The following GRIK3 variants were observed in gnomAD, a reference collection of about 807,000 sequenced individuals.
GRIK3 encodes glutamate receptor ionotropic, kainate 3.
GRIK3 carries 29 observed loss-of-function variants against 102.5 expected under a neutral mutation model. The ratio of observed to expected loss-of-function variants is 0.28; its 90% CI spans 0.21 to 0.39. The LOEUF (loss-of-function observed/expected upper bound fraction) is 0.39, where lower values mean the gene tolerates loss of function less well. Ranked by LOEUF, GRIK3 falls within the 10% of genes least tolerant of loss-of-function variation. GRIK3 has a pLI of 1.00. For missense variants in GRIK3, 908 were observed against 1,252.4 expected (o/e 0.73, Z 4.15); for synonymous variants, 511 against 504.9 (o/e 1.01, Z -0.16).
At chr1:36,818,120 GT>G (rs546283631) in intron 12 of GRIK3, among the ~76,000 whole-genome samples, 7 of 151,220 alleles carry the variant, frequency 4.6e-5, no homozygotes, top group South Asian at 2.1e-4. Flanking sequence ...TTGATATGAT[GT>G]TTTTTTTTCT....
intron 1 of GRIK3, among the ~76,000 whole-genome samples, chr1:36,956,241 G>A (rs994515669): frequency 2.6e-5 from 4 of 152,238 alleles, no homozygotes; most frequent in Non-Finnish European, 5.9e-5. Context: ...AGGGCTGAGG[G>A]TGGGAAGCAG....
intron 10 of GRIK3, among the ~76,000 whole-genome samples, chr1:36,835,894 C>T (rs937321753): frequency 3.3e-5 from 5 of 152,246 alleles, no homozygotes; most frequent in Admixed American, 2.6e-4. Context: ...CTCGATGGGG[C>T]CCCAAGTCCC....
intron 1 of GRIK3, among the ~76,000 whole-genome samples, chr1:37,013,865 G>A (rs1642624421): frequency 6.6e-6 from 1 of 152,236 alleles, no homozygotes; most frequent in South Asian, 2.1e-4. Context: ...AAAGCCCCAA[G>A]ACAAAGTTGG....
intron 10 of GRIK3, among the ~76,000 whole-genome samples, chr1:36,841,306 C>T (rs1240276549): frequency 1.3e-5 from 2 of 152,202 alleles, no homozygotes; most frequent in Admixed American, 1.3e-4. Context: ...CAGAGTTACT[C>T]AATGCAGTGA....
intron 1 of GRIK3, among the ~76,000 whole-genome samples, chr1:36,978,139 C>T (rs906401839): frequency 2.0e-5 from 3 of 152,260 alleles, no homozygotes; most frequent in African/African-American, 7.2e-5. Flanking sequence ...TTTTCACCCT[C>T]GATGTAACCT....
intron 1 of GRIK3, among the ~76,000 whole-genome samples, chr1:36,906,600 G>T: frequency 6.6e-6 from 1 of 151,246 alleles, no homozygotes; most frequent in South Asian, 2.1e-4. Flanking sequence ...TGTCTGCAAA[G>T]GATCGGAGGG....
At chr1:36,809,506 A>G (rs146162558) in intron 13 of GRIK3, among the ~76,000 whole-genome samples, 59 of 152,222 alleles carry the variant, frequency 3.9e-4, no homozygotes, top group African/African-American at 1.3e-3. Flanking sequence ...ATAAATCTCA[A>G]GTCCTGAGAA....
At chr1:36,948,744 G>T (rs1641810420) in intron 1 of GRIK3, among the ~76,000 whole-genome samples, 1 of 152,214 alleles carries the variant, frequency 6.6e-6, no homozygotes, top group Admixed American at 6.5e-5. Flanking sequence ...CCTTCCAACA[G>T]CTTGTCAATG....
intron 1 of GRIK3, among the ~76,000 whole-genome samples, chr1:37,010,866 C>T (rs894531021): frequency 2.6e-5 from 4 of 151,950 alleles, no homozygotes; most frequent in Non-Finnish European, 5.9e-5. Context: ...CTCAGCCTCC[C>T]GAGTAGCTGG....
chr1:36,953,453 A>G (rs1349935475), intron 1 of GRIK3, among the ~76,000 whole-genome samples: 1 of 152,180 alleles, frequency 6.6e-6, no homozygotes, highest in African/African-American at 2.4e-5. Context: ...GGCTTTAAGC[A>G]GGAGAGTGCC....
At chr1:36,913,700 C>T (rs1356500665) in intron 1 of GRIK3, among the ~76,000 whole-genome samples, 1 of 152,140 alleles carries the variant, frequency 6.6e-6, no homozygotes, top group African/African-American at 2.4e-5. Flanking sequence ...CGCCCCACAG[C>T]CCCACCCCCA....
intron 1 of GRIK3, among the ~76,000 whole-genome samples, chr1:36,901,138 C>T (rs79795082): frequency 0.028 from 4,305 of 152,254 alleles, 189 homozygotes; most frequent in African/African-American, 0.1. Flanking sequence ...ATTCTCTACA[C>T]TCTATTGGAA....
Position 36,797,380 on chromosome 1 carries a change from T to TATG in GRIK3, c.*4468_*4470dup, listed in dbSNP as rs920040431. The TATG allele has an allele frequency of 2.1e-4, 32 of 152,216 alleles. No homozygotes were observed. Among genetic ancestry groups the TATG allele is most frequent in the African/African-American group, 7.7e-4 (32 of 41,544 alleles). 9.4% of individuals were successfully genotyped at this position (152,216 alleles called of 1,614,324 possible). On this transcript the variant is annotated 3_prime_UTR_variant, in exon 16 of 16. Coordinates refer to ENST00000373091, the MANE Select transcript of GRIK3 (RefSeq NM_000831.4). ...CTACCTAAAAGTTTTGTGACTCACG[T>TATG]ATGACCTCAGCTCTGAAATTTTTAC...
intron 1 of GRIK3, among the ~76,000 whole-genome samples, chr1:36,969,155 T>C (rs1334263263): frequency 2.0e-5 from 3 of 152,120 alleles, no homozygotes; most frequent in Non-Finnish European, 2.9e-5. Context: ...AAGGTTACCA[T>C]GCCAAGAGTG....
At position 36,872,185 on chromosome 1, in the gene GRIK3, C is replaced by T; in HGVS notation, c.732+3G>A. On this transcript the variant is annotated splice_donor_region_variant and intron_variant, in intron 4 of 15. Transcript: ENST00000373091. This position sits in a 1 kb window ranked among gnomAD's most constrained non-coding sequence, Gnocchi z 5.9. ...TCTGTCCCGGTGGCCAGCACTCACGCACCTGCTTGAGGATCTGGGCCGCCA... is the reference window on the plus strand; with the variant it reads ...TCTGTCCCGGTGGCCAGCACTCACGTACCTGCTTGAGGATCTGGGCCGCCA... 1 of 1,583,546 alleles carries T rather than the reference C, an allele frequency of 6.3e-7. No individual in the cohort carries two copies. Among genetic ancestry groups the T allele is most frequent in the Non-Finnish European group, 8.6e-7 (1 of 1,161,994 alleles).
rs1190095827 is a variant in GRIK3, at chr1:36,853,629, C to A, written c.1198G>T (p.Asp400Tyr). Residue 400 changes from aspartate (D) to tyrosine (Y), a missense_variant, in exon 8 of 16, where the codon GAT (aspartate) becomes TAT (tyrosine). Coordinates refer to ENST00000373091, the MANE Select transcript of GRIK3 (RefSeq NM_000831.4). ...AGACCACGCACCTTCTCCAGGCCAT[C>A]CTCTTTCAGGCTGATGATGTCCAGA... ...FDLDIISLKE[D>Y]GLEKVGVWSP... 20 of 1,612,044 alleles carry A rather than the reference C, an allele frequency of 1.2e-5. No homozygotes were observed. The highest frequency in any genetic ancestry group is 1.6e-5 in the Non-Finnish European group (19 of 1,178,146).
intron 7 of GRIK3, among the ~76,000 whole-genome samples, chr1:36,858,688 T>G (rs569050955): frequency 1.1e-4 from 16 of 152,174 alleles, no homozygotes; most frequent in Non-Finnish European, 1.6e-4. Context: ...CTAAGCACTT[T>G]CCACGCAATG....
At chr1:36,805,577 C>T (rs1209461303) in intron 14 of GRIK3, among the ~76,000 whole-genome samples, 1 of 152,214 alleles carries the variant, frequency 6.6e-6, no homozygotes, top group Non-Finnish European at 1.5e-5. Context: ...TCCCAGCTCT[C>T]ATTGCTCAGG....
intron 13 of GRIK3, among the ~76,000 whole-genome samples, chr1:36,815,086 A>T (rs1642611458): frequency 6.6e-6 from 1 of 152,146 alleles, no homozygotes; most frequent in African/African-American, 2.4e-5. Flanking sequence ...ACACATCCTC[A>T]CCTACTCACT....
Sources: allele counts gnomAD v4.1 joint callset (sites outside exome capture counted in the v4.1 genomes callset), GRCh38; gene constraint gnomAD v4.1.1; non-coding constraint Gnocchi (gnomAD v3.1); transcripts MANE v1.5; gene names NCBI Gene and HGNC (gene_info 2026-07-23, HGNC 2026-07-21).